The following CSMD1 variants were observed in gnomAD, a reference collection of about 807,000 sequenced individuals.
The protein encoded by CSMD1 is CUB and Sushi multiple domains 1, also known as CUB and sushi domain-containing protein 1.
In CSMD1, 213 loss-of-function variants were observed where a neutral mutation model predicts 417.5. The observed-to-expected ratio is 0.51, with a 90% CI of 0.46 to 0.57. The LOEUF (loss-of-function observed/expected upper bound fraction) is 0.57, where lower values mean the gene tolerates loss of function less well. Among genes scored for constraint, CSMD1 ranks in the 20% least tolerant of loss-of-function variants. The pLI is 0.00. For missense variants in CSMD1, 6,923 were observed against 4,529.7 expected, an observed-to-expected ratio of 1.53 and a Z score of -15.17; for synonymous variants, 2,862 against 1,736.8, an observed-to-expected ratio of 1.65 and a Z score of -16.11.
chr8:3,402,131 T>C (rs1335409004), intron 15 of CSMD1, among the ~76,000 whole-genome samples: 2 of 152,190 alleles, frequency 1.3e-5, no homozygotes, highest in African/African-American at 2.4e-5. Context: ...TGAAATGTTA[T>C]GAAGGATGCA....
rs1554523369 is a variant in CSMD1, at chr8:4,607,297, A to AAT, written c.302+30043_302+30044dup. ...ATGGAAAAAATAAATAACAAAAAAA[A>AAT]ATGCATTTGAACGTATCAGAATGTT... On this transcript the variant is annotated intron_variant, in intron 2 of 69. Transcript: ENST00000635120. Among the ~76,000 whole-genome samples the AAT allele has an allele frequency of 4.6e-5, 7 of 151,980 alleles. No individual in the cohort carries two copies. In the East Asian group the frequency reaches 5.8e-4, roughly 13 times the overall value.
chr8:4,062,939 A>T (rs770272846), intron 3 of CSMD1, among the ~76,000 whole-genome samples: 15 of 152,140 alleles, frequency 9.9e-5, no homozygotes, highest in Non-Finnish European at 1.8e-4. Flanking sequence ...TCTTCTATAT[A>T]AAAAGCTGTT....
chr8:3,613,740 T>C (rs967997197), intron 8 of CSMD1, among the ~76,000 whole-genome samples: 12 of 85,222 alleles, frequency 1.4e-4, no homozygotes, highest in Middle Eastern at 6.7e-3. Flanking sequence ...CACACACACC[T>C]CAAAAAATTA....
rs186571375 is a variant in CSMD1 at position 4,441,438 on chromosome 8, T to A, written c.303-21373A>T. Among the ~76,000 whole-genome samples the A allele has an allele frequency of 2.7e-5, 4 of 150,342 alleles. No individual in the cohort carries two copies. The East Asian group carries it at 7.8e-4, about 29-fold the overall frequency. The stretch of plus-strand genomic sequence containing the variant: ...CCAGAAGTCATCTTTAAGATTACTT[T>A]CTTAAAATGAAATCAGTGTTGAATG... On this transcript the variant is annotated intron_variant, in intron 2 of 69. Coordinates refer to ENST00000635120, the MANE Select transcript of CSMD1 (RefSeq NM_033225.6).
At chr8:3,239,362 G>T (rs147173275) in intron 26 of CSMD1, among the ~76,000 whole-genome samples, 3 of 147,552 alleles carry the variant, frequency 2.0e-5, no homozygotes, top group East Asian at 2.0e-4. Context: ...AAATGACAAG[G>T]CTAAACTGAA....
intron 2 of CSMD1, among the ~76,000 whole-genome samples, chr8:4,466,000 T>G (rs1369112848): frequency 6.6e-6 from 1 of 152,172 alleles, no homozygotes; most frequent in Non-Finnish European, 1.5e-5. Flanking sequence ...ACTGAGACAT[T>G]AAAGATGTGC....
chr8:3,140,559 G>T (rs1377074392), intron 41 of CSMD1, among the ~76,000 whole-genome samples: 1 of 152,030 alleles, frequency 6.6e-6, no homozygotes, highest in Non-Finnish European at 1.5e-5. Flanking sequence ...CAGTTTAACA[G>T]ACCTCAATCC....
intron 4 of CSMD1, among the ~76,000 whole-genome samples, chr8:4,022,006 G>T (rs1398290057): frequency 8.6e-5 from 13 of 151,524 alleles, no homozygotes; most frequent in Admixed American, 8.6e-4. Flanking sequence ...GTCTAATTCT[G>T]GAGTCCAACA....
At chr8:4,651,750 C>G (rs958423919) in intron 1 of CSMD1, among the ~76,000 whole-genome samples, 1 of 152,140 alleles carries the variant, frequency 6.6e-6, no homozygotes, top group African/African-American at 2.4e-5. Flanking sequence ...AACACACATA[C>G]CTACTCCCCA....
chr8:4,356,822 C>T (rs1332786364), intron 3 of CSMD1, among the ~76,000 whole-genome samples: 2 of 152,254 alleles, frequency 1.3e-5, no homozygotes, highest in East Asian at 1.9e-4. Context: ...TTGACAATGG[C>T]GCACATTCCT....
At chr8:4,139,018 A>G (rs1464070849) in intron 3 of CSMD1, among the ~76,000 whole-genome samples, 1 of 152,038 alleles carries the variant, frequency 6.6e-6, no homozygotes, top group Non-Finnish European at 1.5e-5. Flanking sequence ...CAGAAAGGAC[A>G]TATGCTGCAT....
chr8:4,226,899 G>C (rs1519178), intron 3 of CSMD1, among the ~76,000 whole-genome samples: 43 of 152,288 alleles, frequency 2.8e-4, no homozygotes, highest in African/African-American at 8.7e-4. Flanking sequence ...GAACGTAAAG[G>C]ATTTTTTGTT....
chr8:3,291,460 C>CT (rs1156526405), intron 25 of CSMD1, among the ~76,000 whole-genome samples: 2 of 152,070 alleles, frequency 1.3e-5, no homozygotes, highest in East Asian at 1.9e-4. Flanking sequence ...TGGTCCTCGA[C>CT]TTTTTTTGGT....
intron 49 of CSMD1, among the ~76,000 whole-genome samples, chr8:3,071,244 G>C (rs1813304809): frequency 2.0e-5 from 3 of 152,158 alleles, no homozygotes; most frequent in Non-Finnish European, 4.4e-5. Flanking sequence ...AAATATATTA[G>C]TATGTATATA....
rs775875876 is a variant in CSMD1, at chr8:2,955,582, G to T, written c.9994+7C>A. Reference sequence around the variant, plus strand: ...AAAAGTATGCCACTCCTTGATCAATGACTTACTTTTACACACAGGCGACTT... The same window carrying T: ...AAAAGTATGCCACTCCTTGATCAATTACTTACTTTTACACACAGGCGACTT... On this transcript the variant is annotated splice_region_variant and intron_variant, in intron 64 of 69. Transcript: ENST00000635120. 6.2e-7 allele frequency: 1 copy of T among 1,612,962 alleles called. No individual in the cohort carries two copies. The highest frequency in any genetic ancestry group is 1.1e-5 in the South Asian group (1 of 90,880).
At chr8:4,763,852 C>A (rs915787417) in intron 1 of CSMD1, among the ~76,000 whole-genome samples, 1 of 152,098 alleles carries the variant, frequency 6.6e-6, no homozygotes, top group Non-Finnish European at 1.5e-5. Flanking sequence ...AAATATTTTC[C>A]TGAACGGAAA....
chr8:4,787,823 C>G (rs1797487564), intron 1 of CSMD1: 2 of 1,572,894 alleles, frequency 1.3e-6, no homozygotes, highest in Admixed American at 3.4e-5. Context: ...GCTACACAGG[C>G]TATATTTGAA....
At chr8:3,666,265 TCTTA>T (rs1233115620) in intron 7 of CSMD1, among the ~76,000 whole-genome samples, 2 of 107,906 alleles carry the variant, frequency 1.9e-5, no homozygotes, top group Non-Finnish European at 4.6e-5. Flanking sequence ...TCCTCACAGG[TCTTA>T]TCTTTTCTTT....
chr8:4,333,606 A>T (rs1007380155), intron 3 of CSMD1, among the ~76,000 whole-genome samples: 5 of 152,170 alleles, frequency 3.3e-5, no homozygotes, highest in African/African-American at 1.2e-4. Flanking sequence ...GTTGTTACTG[A>T]TGCAGATATA....
Sources: allele counts gnomAD v4.1 joint callset (sites outside exome capture counted in the v4.1 genomes callset), GRCh38; gene constraint gnomAD v4.1.1; transcripts MANE v1.5; gene names NCBI Gene and HGNC (gene_info 2026-07-23, HGNC 2026-07-21).